The following MYOF variants were observed in gnomAD, a reference collection of about 807,000 sequenced individuals.
MYOF encodes the protein fer-1-like 3, myoferlin.
A neutral mutation model predicts 284.2 loss-of-function variants in MYOF; 244 were observed. That is an observed-to-expected ratio of 0.86 (90% confidence interval 0.77 to 0.95). MYOF has a LOEUF of 0.95. MYOF is among the 40% of genes least tolerant of loss of function. The pLI is 0.00. For missense variants in MYOF, 2,496 were observed against 2,560.6 expected (o/e 0.97, Z 0.54); for synonymous variants, 904 against 919.7 (o/e 0.98, Z 0.31).
intron 50 of MYOF, 127 bp downstream of exon 50, chr10:93,316,585 CCT>C: frequency 1.3e-6 from 1 of 779,394 alleles, no homozygotes; most frequent in Non-Finnish European, 2.1e-6. Context: ...GGGTGTATCC[CCT>C]GTCCCCCCAC....
intron 2 of MYOF, among the ~76,000 whole-genome samples, chr10:93,453,288 C>G (rs975098394): frequency 1.3e-5 from 2 of 152,156 alleles, no homozygotes; most frequent in Non-Finnish European, 2.9e-5. Flanking sequence ...GTCTCAGCCT[C>G]CCGAATAGCT....
At chr10:93,374,613 C>T in intron 23 of MYOF, 150 bp downstream of exon 23, 1 of 716,098 alleles carries the variant, frequency 1.4e-6, no homozygotes. Flanking sequence ...CATCCTCAGC[C>T]CAGTTACTCC....
chr10:93,358,165 G>A (rs909429636), intron 29 of MYOF, among the ~76,000 whole-genome samples: 3 of 152,062 alleles, frequency 2.0e-5, no homozygotes, highest in Non-Finnish European at 4.4e-5. Flanking sequence ...ATCTTCAAAA[G>A]AAGACATTTA....
intron 21 of MYOF, among the ~76,000 whole-genome samples, chr10:93,377,848 A>G (rs1845907492): frequency 6.6e-6 from 1 of 152,274 alleles, no homozygotes; most frequent in Admixed American, 6.5e-5. Flanking sequence ...CTGTTGGAGA[A>G]GAAAGTTAGA....
rs150379526 is a variant in MYOF at position 93,471,805 on chromosome 10, C to T, written c.88+10302G>A. 4.3e-3 allele frequency among the ~76,000 whole-genome samples: 655 copies of T among 151,826 alleles called. 1 individual carries two copies. Among genetic ancestry groups the T allele is most frequent in the African/African-American group, 0.015 (612 of 41,372 alleles). On this transcript the variant is annotated intron_variant, in intron 1 of 53. Transcript: ENST00000359263. The stretch of plus-strand genomic sequence containing the variant: ...TCAGGAGGCTGAGGCAGGAGAATTG[C>T]TTGAACCTGGGAGGTGGAGGTTGCA...
intron 36 of MYOF, among the ~76,000 whole-genome samples, chr10:93,348,352 TCTC>T: frequency 1.3e-5 from 2 of 152,308 alleles, no homozygotes; most frequent in South Asian, 4.1e-4. Context: ...ATTGCTACTT[TCTC>T]CTCAACTCCC....
intron 5 of MYOF, among the ~76,000 whole-genome samples, chr10:93,416,367 A>T (rs1050054398): frequency 2.1e-4 from 32 of 151,974 alleles, no homozygotes; most frequent in African/African-American, 7.2e-4. Flanking sequence ...TAAAATTTAA[A>T]AAAAAAATTA....
intron 48 of MYOF, among the ~76,000 whole-genome samples, chr10:93,320,777 C>T (rs955974033): frequency 6.6e-6 from 1 of 152,062 alleles, no homozygotes; most frequent in African/African-American, 2.4e-5. Context: ...TTTACACTGT[C>T]AAAGCAATAG....
chr10:93,344,952 G>T (rs1325412105), intron 37 of MYOF, among the ~76,000 whole-genome samples: 6 of 152,072 alleles, frequency 3.9e-5, no homozygotes, highest in Non-Finnish European at 5.9e-5. Context: ...TAGTCCCTGG[G>T]CTTACTACAT....
chr10:93,326,656 GCT>G (rs1564620401), intron 45 of MYOF, among the ~76,000 whole-genome samples: 1 of 152,138 alleles, frequency 6.6e-6, no homozygotes, highest in Non-Finnish European at 1.5e-5. Flanking sequence ...AGACAGTCTC[GCT>G]CTGTCATCCA....
chr10:93,323,034 C>G, intron 48 of MYOF, 44 bp downstream of exon 48: 1 of 1,550,614 alleles, frequency 6.4e-7, no homozygotes, highest in Non-Finnish European at 8.9e-7. Flanking sequence ...AGGAGAGAGT[C>G]TGTTTCCCTG....
chr10:93,401,343 T>C, intron 12 of MYOF, 75 bp downstream of exon 12: 1 of 1,573,104 alleles, frequency 6.4e-7, no homozygotes, highest in Non-Finnish European at 8.6e-7. Context: ...CGAATCACTA[T>C]TAAAGTTTGA....
At chr10:93,477,517 A>G (rs2134409402) in intron 1 of MYOF, among the ~76,000 whole-genome samples, 1 of 151,494 alleles carries the variant, frequency 6.6e-6, no homozygotes, top group East Asian at 2.0e-4. Context: ...AAAAACACAC[A>G]CAAACACACA....
rs544200365 is a variant in MYOF at position 93,318,785 on chromosome 10, C to T, written c.5598+1087G>A. Among the ~76,000 whole-genome samples, 6 of 152,206 alleles carry T rather than the reference C, an allele frequency of 3.9e-5. 1 individual carries two copies. In the South Asian group the frequency reaches 1.0e-3, roughly 26 times the overall value. ...AAAAAACAAAAAATAGTGCTTACTA[C>T]AGCATTAGCACTGAGTAGGGCCAGC... is the stretch of plus-strand genomic sequence containing the variant. On this transcript the variant is annotated intron_variant, in intron 49 of 53. Coordinates refer to ENST00000359263, the MANE Select transcript of MYOF (RefSeq NM_013451.4).
chr10:93,471,405 A>C (rs551111501), intron 1 of MYOF, among the ~76,000 whole-genome samples: 2 of 152,020 alleles, frequency 1.3e-5, no homozygotes, highest in Non-Finnish European at 2.9e-5. Flanking sequence ...TAAACAACTC[A>C]ATCTGTTCAG....
At position 93,408,924 on chromosome 10, in the gene MYOF, C is replaced by T. The variant is rs1160391861; in HGVS notation, c.601-9G>A. 6.2e-7 allele frequency: 1 copy of T among 1,613,774 alleles called. No homozygotes were observed. Among genetic ancestry groups the T allele is most frequent in the South Asian group, 1.1e-5 (1 of 91,048 alleles). On this transcript the variant is annotated splice_polypyrimidine_tract_variant and intron_variant, in intron 6 of 53. Coordinates refer to ENST00000359263, the MANE Select transcript of MYOF (RefSeq NM_013451.4). ...ATCACTCGGACGCGGATCTGCAGCA[C>T]AGAAGGGGGATGGTTACCCAACCTT... is the stretch of plus-strand genomic sequence containing the variant.
At chr10:93,330,377 G>A (rs1040171572) in intron 43 of MYOF, among the ~76,000 whole-genome samples, 2 of 152,016 alleles carry the variant, frequency 1.3e-5, no homozygotes, top group Admixed American at 6.6e-5. Flanking sequence ...CCCTACCTGT[G>A]CCCCTCCTAG....
intron 3 of MYOF, among the ~76,000 whole-genome samples, chr10:93,438,439 G>A (rs1589569863): frequency 6.6e-6 from 1 of 152,126 alleles, no homozygotes. Context: ...AAAGGGCTGC[G>A]CCTCGGTTCA....
intron 16 of MYOF, 36 bp downstream of exon 16, chr10:93,396,106 T>C (rs764318689): frequency 6.7e-7 from 1 of 1,501,276 alleles, no homozygotes; most frequent in East Asian, 2.3e-5. Flanking sequence ...AAAAGTTCTG[T>C]ATCCAGTCTT....
Sources: gnomAD v4.1 joint callset for allele counts (sites outside exome capture counted in the v4.1 genomes callset) on GRCh38, gnomAD v4.1.1 for gene constraint, MANE v1.5 for transcripts, NCBI Gene and HGNC (gene_info 2026-07-23, HGNC 2026-07-21) for gene names.